KCNJ6: variants seen among roughly 807,000 people sequenced by gnomAD.
KCNJ6 encodes G protein-activated inward rectifier potassium channel 2.
In KCNJ6, 9 loss-of-function variants were observed where a neutral mutation model predicts 34.2. That is an observed-to-expected ratio of 0.26 (90% CI 0.16 to 0.46). The LOEUF (loss-of-function observed/expected upper bound fraction) is 0.46. Among genes scored for constraint, KCNJ6 ranks in the 20% least tolerant of loss-of-function variants. KCNJ6 has a pLI of 1.00. For synonymous variants in KCNJ6, 196 were observed against 207.1 expected, an observed-to-expected ratio of 0.95 and a Z score of 0.46; for missense variants, 236 against 531.3, an observed-to-expected ratio of 0.44 and a Z score of 5.46.
intron 2 of KCNJ6, among the ~76,000 whole-genome samples, chr21:37,736,441 C>T (rs2054913499): frequency 6.6e-6 from 1 of 152,300 alleles, no homozygotes; most frequent in African/African-American, 2.4e-5. Flanking sequence ...GTTGGCTGCA[C>T]AACATCATCA....
At chr21:37,765,299 AG>A in intron 2 of KCNJ6, among the ~76,000 whole-genome samples, 1 of 152,202 alleles carries the variant, frequency 6.6e-6, no homozygotes, top group Non-Finnish European at 1.5e-5. Flanking sequence ...TATGGATACC[AG>A]GGAGACTGTA....
chr21:37,874,655 C>T (rs978307779), intron 1 of KCNJ6, among the ~76,000 whole-genome samples: 7 of 152,136 alleles, frequency 4.6e-5, no homozygotes, highest in African/African-American at 1.2e-4. Flanking sequence ...CACACCCACG[C>T]CTACACTCAG....
At chr21:37,749,968 T>C (rs925902920) in intron 2 of KCNJ6, among the ~76,000 whole-genome samples, 1 of 151,670 alleles carries the variant, frequency 6.6e-6, no homozygotes, top group Non-Finnish European at 1.5e-5. Flanking sequence ...TAATGAGAGG[T>C]CAGAGCTGGG....
At chr21:37,857,426 G>A (rs1412400993) in intron 1 of KCNJ6, among the ~76,000 whole-genome samples, 1 of 152,198 alleles carries the variant, frequency 6.6e-6, no homozygotes, top group East Asian at 1.9e-4. Context: ...TGGACAGTGT[G>A]TGATACCACA....
intron 2 of KCNJ6, among the ~76,000 whole-genome samples, chr21:37,765,718 T>C (rs1385972079): frequency 6.6e-6 from 1 of 152,236 alleles, no homozygotes; most frequent in Non-Finnish European, 1.5e-5. Flanking sequence ...TGAAAGCTAT[T>C]ATATGATTCA....
At position 37,672,530 on chromosome 21, in the gene KCNJ6, T is replaced by G. The variant is rs554618572; in HGVS notation, c.946+41681A>C. Reference sequence around the variant, plus strand: ...ATGAGCTAAGACATCCTCAATTTTTTTTTCTTTTTTCATAAGTCAGTTTGG... The same window carrying G: ...ATGAGCTAAGACATCCTCAATTTTTGTTTCTTTTTTCATAAGTCAGTTTGG... On this transcript the variant is annotated intron_variant, in intron 3 of 3. Coordinates refer to ENST00000609713, the MANE Select transcript of KCNJ6 (RefSeq NM_002240.5). Among the ~76,000 whole-genome samples, 5 of 152,134 alleles carry G rather than the reference T, an allele frequency of 3.3e-5. No homozygotes were observed. The South Asian group carries it at 8.3e-4, about 25-fold the overall frequency.
At position 37,726,514 on chromosome 21, in the gene KCNJ6, G is replaced by A. The variant is rs2054855620; in HGVS notation, c.26-11383C>T. Among the ~76,000 whole-genome samples the A allele has an allele frequency of 3.3e-5, 5 of 152,226 alleles. No individual in the cohort carries two copies. In the South Asian group the frequency reaches 1.0e-3, roughly 31 times the overall value. Reference sequence around the variant, plus strand: ...GACCTGGCAAATTGTCCATGCCACAGCATTAAGAGAAGCAGCAGCATAAGA... The same window carrying A: ...GACCTGGCAAATTGTCCATGCCACAACATTAAGAGAAGCAGCAGCATAAGA... On this transcript the variant is annotated intron_variant, in intron 2 of 3. Transcript: ENST00000609713.
intron 3 of KCNJ6, among the ~76,000 whole-genome samples, chr21:37,628,530 CAG>C (rs2054320570): frequency 6.6e-6 from 1 of 152,074 alleles, no homozygotes. Context: ...AACAGTGCCT[CAG>C]AGACCTGTGG....
intron 1 of KCNJ6, among the ~76,000 whole-genome samples, chr21:37,844,672 C>T (rs2055497741): frequency 6.6e-6 from 1 of 152,096 alleles, no homozygotes; most frequent in Admixed American, 6.6e-5. Flanking sequence ...AGCACTATTC[C>T]CTCTGCCTAG....
chr21:37,859,461 A>AATTTGATACTCTTT (rs144363778), intron 1 of KCNJ6, among the ~76,000 whole-genome samples: 108,892 of 129,938 alleles, frequency 0.84, 46,350 homozygotes, highest in African/African-American at 0.93. Context: ...CATTGTCCAC[A>AATTTGATACTCTTT]ATTTTAACTA....
intron 3 of KCNJ6, among the ~76,000 whole-genome samples, chr21:37,713,000 A>G (rs1022757377): frequency 6.6e-6 from 1 of 152,130 alleles, no homozygotes; most frequent in Non-Finnish European, 1.5e-5. Flanking sequence ...ATTGAGCTCC[A>G]TGCAAAGCCC....
In KCNJ6 at chr21:37,759,935, C is replaced by T. The variant is rs117486247; in HGVS notation, c.26-44804G>A. ...CTGGCCTGCTGTCTTTTGGACTGCT[C>T]TCCCCAGGGGCAGCCAGATGCTACA... On this transcript the variant is annotated intron_variant, in intron 2 of 3. Coordinates refer to ENST00000609713, the MANE Select transcript of KCNJ6 (RefSeq NM_002240.5). 1.5e-3 allele frequency among the ~76,000 whole-genome samples: 221 copies of T among 152,268 alleles called. 2 individuals are homozygous for T. The East Asian group carries it at 0.026, about 18-fold the overall frequency.
At chr21:37,826,787 T>C (rs1373622854) in intron 2 of KCNJ6, among the ~76,000 whole-genome samples, 6 of 152,052 alleles carry the variant, frequency 3.9e-5, no homozygotes, top group Admixed American at 6.6e-5. Context: ...TGGGAGAGAT[T>C]AGAGATGGGT....
intron 2 of KCNJ6, among the ~76,000 whole-genome samples, chr21:37,764,401 GAC>G (rs1272183108): frequency 1.0e-5 from 1 of 97,448 alleles, no homozygotes; most frequent in African/African-American, 5.2e-5. Flanking sequence ...TTTTTTTTAA[GAC>G]AGTTTTGCTC....
chr21:37,899,627 T>C (rs750001199), intron 1 of KCNJ6, among the ~76,000 whole-genome samples: 24 of 152,138 alleles, frequency 1.6e-4, no homozygotes, highest in Admixed American at 1.3e-4. Context: ...TCTGGGAGAA[T>C]GCTGAAAAAG....
At chr21:37,809,409 A>T (rs561374698) in intron 2 of KCNJ6, among the ~76,000 whole-genome samples, 1 of 152,216 alleles carries the variant, frequency 6.6e-6, no homozygotes, top group East Asian at 1.9e-4. Context: ...TAGCATTAGG[A>T]GATATACCTA....
chr21:37,804,758 T>A (rs909304323), intron 2 of KCNJ6, among the ~76,000 whole-genome samples: 14 of 152,228 alleles, frequency 9.2e-5, no homozygotes, highest in Admixed American at 2.0e-4. Context: ...GGTCTCATTA[T>A]TTTTTATGGC....
intron 3 of KCNJ6, among the ~76,000 whole-genome samples, chr21:37,663,728 A>G (rs1304701319): frequency 6.6e-6 from 1 of 152,230 alleles, no homozygotes; most frequent in Non-Finnish European, 1.5e-5. Flanking sequence ...ACAGTTTCAC[A>G]GTAGAAAAAA....
At chr21:37,669,529 C>A (rs1030257911) in intron 3 of KCNJ6, among the ~76,000 whole-genome samples, 4 of 151,784 alleles carry the variant, frequency 2.6e-5, no homozygotes, top group Non-Finnish European at 4.4e-5. Flanking sequence ...TTCTTTGTAT[C>A]TTTAGGGAGA....
Sources: allele counts gnomAD v4.1 joint callset (sites outside exome capture counted in the v4.1 genomes callset), GRCh38; gene constraint gnomAD v4.1.1; transcripts MANE v1.5; gene names NCBI Gene and HGNC (gene_info 2026-07-23, HGNC 2026-07-21).